Variants in TNR observed in about 807,000 individuals in gnomAD.
TNR encodes tenascin R.
TNR carries 45 observed loss-of-function variants against 150.4 expected under a neutral mutation model. The observed-to-expected ratio is 0.30, with a 90% CI of 0.24 to 0.38. TNR has a LOEUF of 0.38. TNR is among the 10% of genes least tolerant of loss of function. The pLI is 1.00. For synonymous variants in TNR, 687 were observed against 678.4 expected (o/e 1.01, Z -0.20); for missense variants, 1,544 against 1,759.1 (o/e 0.88, Z 2.19).
intron 1 of TNR, among the ~76,000 whole-genome samples, chr1:175,654,957 C>T (rs933298996): frequency 6.6e-6 from 1 of 152,092 alleles, no homozygotes; most frequent in Non-Finnish European, 1.5e-5. Context: ...CTCCTGACCT[C>T]GTGATCCGCC....
At chr1:175,392,592 A>G (rs1167134258) in intron 6 of TNR, among the ~76,000 whole-genome samples, 4 of 152,202 alleles carry the variant, frequency 2.6e-5, no homozygotes, top group African/African-American at 9.6e-5. Context: ...ATGTAACTCA[A>G]TTGCCACATT....
chr1:175,707,616 A>C (rs1395332264), intron 1 of TNR, among the ~76,000 whole-genome samples: 1 of 152,200 alleles, frequency 6.6e-6, no homozygotes, highest in Admixed American at 6.5e-5. Context: ...AGGCCTAAAA[A>C]AGACCAGGAA....
At chr1:175,629,129 G>A (rs1664247731) in intron 1 of TNR, among the ~76,000 whole-genome samples, 1 of 152,014 alleles carries the variant, frequency 6.6e-6, no homozygotes, top group Admixed American at 6.6e-5. Flanking sequence ...GAGATGATTC[G>A]CCTCCTCTCC....
chr1:175,555,430 C>G (rs1661114020), intron 1 of TNR, among the ~76,000 whole-genome samples: 1 of 151,528 alleles, frequency 6.6e-6, no homozygotes, highest in Non-Finnish European at 1.5e-5. Context: ...GGCTGCCCCT[C>G]TATTCCAGAG....
chr1:175,438,964 G>T (rs895055521), intron 2 of TNR, among the ~76,000 whole-genome samples: 7 of 152,126 alleles, frequency 4.6e-5, no homozygotes, highest in African/African-American at 1.7e-4. Context: ...GTAATTTATA[G>T]ATTCAATGCC....
intron 1 of TNR, among the ~76,000 whole-genome samples, chr1:175,695,019 T>C (rs1666470951): frequency 6.6e-6 from 1 of 152,208 alleles, no homozygotes; most frequent in African/African-American, 2.4e-5. Flanking sequence ...AATATGTCCA[T>C]GAATTTTTTG....
chr1:175,443,745 T>C (rs991416701), intron 2 of TNR, among the ~76,000 whole-genome samples: 9 of 151,780 alleles, frequency 5.9e-5, no homozygotes, highest in African/African-American at 1.9e-4. Flanking sequence ...GAAAAGAAGA[T>C]GATGAGTTAG....
At chr1:175,496,224 G>A (rs1326536873) in intron 2 of TNR, among the ~76,000 whole-genome samples, 1 of 152,114 alleles carries the variant, frequency 6.6e-6, no homozygotes, top group Non-Finnish European at 1.5e-5. Flanking sequence ...TAATACTCCA[G>A]TATATATGCT....
chr1:175,333,585 T>G lies in TNR; in HGVS notation c.3631+2126A>C, dbSNP rs1650058293. The G allele has an allele frequency of 2.0e-5, 3 of 152,344 alleles. No homozygotes were observed. The South Asian group carries it at 6.2e-4, about 32-fold the overall frequency. The allele number at this position is 152,344 out of a possible 1,614,324, so 9.4% of individuals were successfully genotyped here. A position where few individuals can be genotyped will look rare whatever the true frequency, so the allele number is the denominator to read the frequency against. On this transcript the variant is annotated intron_variant, in intron 20 of 22. Transcript: ENST00000367674. ...TATGCATTCCATTAATTCTTATCAT[T>G]GATTGATTTATTGATTATCTACATT...
chr1:175,659,896 CAT>C (rs1665309869), intron 1 of TNR, among the ~76,000 whole-genome samples: 1 of 100,866 alleles, frequency 9.9e-6, no homozygotes, highest in African/African-American at 3.8e-5. Context: ...CTTTGGGTGT[CAT>C]TTTTTTTTTT....
At chr1:175,445,630 G>A (rs1056613323) in intron 2 of TNR, among the ~76,000 whole-genome samples, 16 of 152,138 alleles carry the variant, frequency 1.1e-4, no homozygotes, top group African/African-American at 3.4e-4. Context: ...AGTCACTGCC[G>A]ACTGGTAATT....
rs1238349616 is a variant in TNR, at chr1:175,359,946, CA to C, written c.2855-216del. On this transcript the variant is annotated intron_variant, in intron 14 of 22. Transcript: ENST00000367674. ...TTCTCTCAAGTATCCAGTTCTCCCC[CA>C]GTCGCCCCCAGCTCTTCCTTTTAAT... is the stretch of plus-strand genomic sequence containing the variant. 2.6e-5 allele frequency among the ~76,000 whole-genome samples: 4 copies of C among 152,310 alleles called. 1 individual carries two copies. In the South Asian group the frequency reaches 6.2e-4, roughly 24 times the overall value.
At chr1:175,442,204 T>G (rs1655822294) in intron 2 of TNR, among the ~76,000 whole-genome samples, 1 of 152,166 alleles carries the variant, frequency 6.6e-6, no homozygotes. Flanking sequence ...CACTTGGCTT[T>G]TGCACCCTCT....
At chr1:175,545,897 A>G (rs997101753) in intron 1 of TNR, among the ~76,000 whole-genome samples, 2 of 152,226 alleles carry the variant, frequency 1.3e-5, no homozygotes, top group Non-Finnish European at 2.9e-5. Flanking sequence ...AGGATATGCC[A>G]GAGATGGGCT....
chr1:175,474,829 T>A (rs1238814108), intron 2 of TNR, among the ~76,000 whole-genome samples: 1 of 152,196 alleles, frequency 6.6e-6, no homozygotes. Context: ...TGTTACCAAA[T>A]GAATTGAAAG....
chr1:175,658,557 A>G (rs779198790), intron 1 of TNR, among the ~76,000 whole-genome samples: 25 of 152,226 alleles, frequency 1.6e-4, no homozygotes, highest in Admixed American at 8.5e-4. Flanking sequence ...GGAGGTGCTA[A>G]GTAGCTTGCA....
At chr1:175,560,229 T>C (rs1661366317) in intron 1 of TNR, among the ~76,000 whole-genome samples, 1 of 152,224 alleles carries the variant, frequency 6.6e-6, no homozygotes, top group African/African-American at 2.4e-5. Context: ...AGTCCCATAG[T>C]CTGTAGATAT....
At chr1:175,384,704 G>A (rs1248550837) in intron 8 of TNR, among the ~76,000 whole-genome samples, 6 of 152,296 alleles carry the variant, frequency 3.9e-5, no homozygotes, top group African/African-American at 9.6e-5. Flanking sequence ...TGTTCCGAGG[G>A]TTCAGGCACC....
chr1:175,375,562 G>A (rs1329763573), intron 9 of TNR, among the ~76,000 whole-genome samples: 2 of 152,128 alleles, frequency 1.3e-5, no homozygotes, highest in Non-Finnish European at 2.9e-5. Context: ...TCAAGAGGGG[G>A]TACTTGCTGC....
Sources: allele counts gnomAD v4.1 joint callset (sites outside exome capture counted in the v4.1 genomes callset), GRCh38; gene constraint gnomAD v4.1.1; transcripts MANE v1.5; gene names NCBI Gene and HGNC (gene_info 2026-07-23, HGNC 2026-07-21).